The following RAD54L variants were observed in gnomAD, a reference collection of about 807,000 sequenced individuals.
The protein encoded by RAD54L is RAD54 like, also known as DNA repair and recombination protein RAD54-like.
A neutral mutation model predicts 91.6 loss-of-function variants in RAD54L; 74 were observed. The ratio of observed to expected loss-of-function variants is 0.81; its 90% CI spans 0.67 to 0.98. RAD54L has a LOEUF of 0.98. RAD54L is among the 50% of genes least tolerant of loss of function. The probability of loss-of-function intolerance (pLI) is 0.00; values close to 1 mark genes in which losing one functional copy is unlikely to be tolerated. For synonymous variants in RAD54L, 304 were observed against 349.7 expected (o/e 0.87, Z 1.46); for missense variants, 887 against 945.7 (o/e 0.94, Z 0.81).
chr1:46,260,253 C>G (rs1306242570), intron 5 of RAD54L, among the ~76,000 whole-genome samples, 154 bp downstream of exon 5: 1 of 152,120 alleles, frequency 6.6e-6, no homozygotes, highest in Non-Finnish European at 1.5e-5. Flanking sequence ...TGGGGAAGAG[C>G]CTGTGGTCAT....
At position 46,263,701 on chromosome 1, in the gene RAD54L, G is replaced by A. The variant is rs887581194; in HGVS notation, c.891+2316G>A. Among the ~76,000 whole-genome samples the A allele has an allele frequency of 6.6e-6, 1 of 152,136 alleles. No homozygotes were observed. Among genetic ancestry groups the A allele is most frequent in the Non-Finnish European group, 1.5e-5 (1 of 68,030 alleles). ...ACATCTGCTTCATCACTGTGGAGGG[G>A]GACTATGCCAGGAGCCAGGTCCAAA... is the stretch of plus-strand genomic sequence containing the variant. On this transcript the variant is annotated intron_variant, in intron 8 of 17. Coordinates refer to ENST00000371975, the MANE Select transcript of RAD54L (RefSeq NM_003579.4). The surrounding 1 kb of genome is among the most constrained non-coding windows in gnomAD (Gnocchi z 4.3).
At chr1:46,260,223 G>C in intron 5 of RAD54L, 124 bp downstream of exon 5, 1 of 1,458,024 alleles carries the variant, frequency 6.9e-7, no homozygotes. Context: ...GAGAGTAGAT[G>C]ATTGGGGAAG....
chr1:46,250,162 T>G (rs1175610219), intron 3 of RAD54L, 43 bp downstream of exon 3: 1 of 1,612,632 alleles, frequency 6.2e-7, no homozygotes, highest in Non-Finnish European at 8.5e-7. Flanking sequence ...CTGTGCCCAG[T>G]CACTCAGCCT....
At chr1:46,262,163 C>T (rs1044828053) in intron 8 of RAD54L, among the ~76,000 whole-genome samples, 6 of 151,982 alleles carry the variant, frequency 3.9e-5, no homozygotes, top group Non-Finnish European at 7.4e-5. Context: ...CCTGTAATCC[C>T]AGCACTTTGG....
intron 14 of RAD54L, 116 bp downstream of exon 14, chr1:46,273,863 G>A: frequency 7.0e-7 from 1 of 1,421,048 alleles, no homozygotes; most frequent in Admixed American, 2.0e-5. Flanking sequence ...TTTCCCTGGA[G>A]ATATCTTCCC....
chr1:46,249,877 CTA>C (rs2148275814), intron 2 of RAD54L, 121 bp from the exon 3 acceptor site: 1 of 1,046,518 alleles, frequency 9.6e-7, no homozygotes, highest in East Asian at 2.5e-5. Flanking sequence ...AGATGATACA[CTA>C]TGACATGTGT....
rs10218651 is a variant in RAD54L at position 46,257,960 on chromosome 1, T to G, written c.211-726T>G. 8.2e-3 allele frequency among the ~76,000 whole-genome samples: 1,248 copies of G among 152,312 alleles called. 19 individuals carry two copies. The highest frequency in any genetic ancestry group is 0.037 in the Middle Eastern group (11 of 294). On this transcript the variant is annotated intron_variant, in intron 3 of 17. Transcript: ENST00000371975. ...TATGGACCTCATACAGCTGTTAGGA[T>G]TAAATGGTAACATGAATGCAAGAGG...
At chr1:46,269,464 TG>T (rs1157986845) in intron 9 of RAD54L, among the ~76,000 whole-genome samples, 2 of 151,914 alleles carry the variant, frequency 1.3e-5, no homozygotes, top group Non-Finnish European at 2.9e-5. Flanking sequence ...CACACCATCA[TG>T]CCTGGCTAAT....
At position 46,248,417 on chromosome 1, in the gene RAD54L, G is replaced by T; in HGVS notation, c.3+9G>T. 1 of 1,614,042 alleles carries T rather than the reference G, an allele frequency of 6.2e-7. No individual in the cohort carries two copies. Among genetic ancestry groups the T allele is most frequent in the African/African-American group, 1.3e-5 (1 of 75,024 alleles). The stretch of plus-strand genomic sequence containing the variant: ...CTCCTAGGCCCAGGATGGTAAGTGT[G>T]GGCCTAGGGGAGACTGGGAATAGCC... On this transcript the variant is annotated intron_variant, in intron 1 of 17. Coordinates refer to ENST00000371975, the MANE Select transcript of RAD54L (RefSeq NM_003579.4).
At chr1:46,277,575 C>G in intron 16 of RAD54L, 1 of 557,404 alleles carries the variant, frequency 1.8e-6, no homozygotes. Flanking sequence ...TAGCCAGGCC[C>G]TGGGACCCTT....
At chr1:46,256,390 T>C (rs1198657212) in intron 3 of RAD54L, among the ~76,000 whole-genome samples, 2 of 152,224 alleles carry the variant, frequency 1.3e-5, no homozygotes, top group African/African-American at 4.8e-5. Context: ...GGGTCCTTTT[T>C]GTTAGCATTT....
chr1:46,272,751 A>T lies in RAD54L; in HGVS notation c.1324A>T (p.Met442Leu). The change falls in exon 12 of 18, where the codon ATG becomes TTG. Residue 442 changes from methionine to leucine, a missense_variant. By Grantham distance (15) the Met-to-Leu change is conservative (BLOSUM62 2). Coordinates refer to ENST00000371975, the MANE Select transcript of RAD54L (RefSeq NM_003579.4). ...GGCAGAAGAATTGCTTGAGGGCAAG[A>T]TGAGTGTGTCTTCCCTTTCTTCCAT... ...KPAEELLEGK[M>L]SVSSLSSITS... 6.2e-7 allele frequency: 1 copy of T among 1,614,182 alleles called. No homozygotes were observed. Among genetic ancestry groups the T allele is most frequent in the Non-Finnish European group, 8.5e-7 (1 of 1,180,012 alleles).
intron 3 of RAD54L, among the ~76,000 whole-genome samples, chr1:46,256,835 C>CT (rs1659954929): frequency 2.6e-5 from 4 of 151,502 alleles, no homozygotes; most frequent in Admixed American, 1.3e-4. Flanking sequence ...AAATTCATTA[C>CT]TTTTTTTAAA....
rs537462391 is a variant in RAD54L, at chr1:46,261,937, C to G, written c.891+552C>G. Among the ~76,000 whole-genome samples the G allele has an allele frequency of 1.8e-3, 271 of 152,046 alleles. 1 individual carries two copies. The highest frequency in any genetic ancestry group is 2.5e-3 in the Non-Finnish European group (167 of 67,976). On this transcript the variant is annotated intron_variant, in intron 8 of 17. Transcript: ENST00000371975. The stretch of plus-strand genomic sequence containing the variant: ...TTGAGCCCAGGAGTTTGGGACCAGC[C>G]TGGGCAATATGGTGAAACCCCACCT...
At chr1:46,276,721 G>C (rs1476969774) in intron 16 of RAD54L, among the ~76,000 whole-genome samples, 5 of 152,168 alleles carry the variant, frequency 3.3e-5, no homozygotes, top group Non-Finnish European at 7.3e-5. Context: ...ACTGCTTCCA[G>C]AAGGAGCTTT....
rs2148303528 is a variant in RAD54L at position 46,274,680 on chromosome 1, G to A, written c.1832G>A (p.Gly611Asp). The A allele has an allele frequency of 1.2e-6, 2 of 1,614,124 alleles. No individual in the cohort carries two copies. Among genetic ancestry groups the A allele is most frequent in the South Asian group, 1.1e-5 (1 of 91,080 alleles). Residue 611 changes from glycine (G) to aspartate (D), a missense_variant, in exon 16 of 18, where the codon GGT becomes GAT. Coordinates refer to ENST00000371975, the MANE Select transcript of RAD54L (RefSeq NM_003579.4). Reference sequence around the variant, plus strand: ...GCCATGGCCCGGGTCTGGCGAGATGGTCAAAAGAAGACTTGCTATATCTAC... The same window carrying A: ...GCCATGGCCCGGGTCTGGCGAGATGATCAAAAGAAGACTTGCTATATCTAC... Reference protein sequence around the residue: ...EQAMARVWRDGQKKTCYIYRL... With the variant: ...EQAMARVWRDDQKKTCYIYRL...
In RAD54L at chr1:46,260,938, T is replaced by C. The variant is rs1227794057; in HGVS notation, c.689T>C (p.Val230Ala). ...SSLVKNWYNE[V>A]GKWLGGRIQP... ...CTGGTGAAGAACTGGTACAATGAGGTTGGGAAATGGCTCGGAGGGAGGATC... is the reference window on the plus strand; with the variant it reads ...CTGGTGAAGAACTGGTACAATGAGGCTGGGAAATGGCTCGGAGGGAGGATC... Residue 230 changes from valine to alanine, a missense_variant, in exon 7 of 18, where the codon GTT becomes GCT. By Grantham distance (64) the Val-to-Ala change is moderately conservative. Transcript: ENST00000371975. The C allele has an allele frequency of 1.9e-6, 3 of 1,614,074 alleles. No homozygotes were observed. Among genetic ancestry groups the C allele is most frequent in the African/African-American group, 1.3e-5 (1 of 74,992 alleles).
chr1:46,248,230 A>T lies in RAD54L; in HGVS notation c.-176A>T. The T allele has an allele frequency of 1.2e-6, 1 of 838,782 alleles. No homozygotes were observed. Among genetic ancestry groups the T allele is most frequent in the Non-Finnish European group, 2.0e-6 (1 of 504,396 alleles). The allele number at this position is 838,782 out of a possible 1,614,324, so 52.0% of individuals were successfully genotyped here. A position where few individuals can be genotyped will look rare whatever the true frequency, so the allele number is the denominator to read the frequency against. On this transcript the variant is annotated 5_prime_UTR_variant, in exon 1 of 18. Transcript: ENST00000371975. ...ACGGCCACTCTCACAGTTTGGTTCC[A>T]AACACCAGTTCCTGGATGGATTCCC... is the stretch of plus-strand genomic sequence containing the variant.
Position 46,248,276 on chromosome 1 carries a change from A to T in RAD54L, c.-130A>T. The T allele has an allele frequency of 8.3e-7, 1 of 1,209,678 alleles. No individual in the cohort carries two copies. Among genetic ancestry groups the T allele is most frequent in the Non-Finnish European group, 1.2e-6 (1 of 831,644 alleles). The allele number at this position is 1,209,678 out of a possible 1,614,324, so 74.9% of individuals were successfully genotyped here. The stretch of plus-strand genomic sequence containing the variant: ...TTCCCGCCATCCATGCCCCCTCTTT[A>T]ATTAGCCGGTCCTCTCAATAATGTA... On this transcript the variant is annotated 5_prime_UTR_variant, in exon 1 of 18. The change abolishes the stop of an existing upstream ORF in the 5' untranslated region. Transcript: ENST00000371975.
Sources: allele counts gnomAD v4.1 joint callset (sites outside exome capture counted in the v4.1 genomes callset), GRCh38; gene constraint gnomAD v4.1.1; non-coding constraint Gnocchi (gnomAD v3.1); transcripts MANE v1.5; gene names NCBI Gene and HGNC (gene_info 2026-07-23, HGNC 2026-07-21).